C6orf62: variants seen among roughly 807,000 people sequenced by gnomAD.
C6orf62 encodes the protein chromosome 6 open reading frame 62, also known as uncharacterized protein C6orf62.
In C6orf62, 16 loss-of-function variants were observed where a neutral mutation model predicts 26.8. The ratio of observed to expected loss-of-function variants is 0.60; its 90% CI spans 0.40 to 0.91. The LOEUF is 0.91. Ranked by LOEUF, C6orf62 falls within the 40% of genes least tolerant of loss-of-function variation. The pLI, the probability that C6orf62 is intolerant of heterozygous loss-of-function variation, is 0.00. For missense variants in C6orf62, 192 were observed against 271.4 expected, an observed-to-expected ratio of 0.71 and a Z score of 2.06; for synonymous variants, 112 against 91.5, an observed-to-expected ratio of 1.22 and a Z score of -1.28.
intron 2 of C6orf62, 73 bp from the exon 3 acceptor site, chr6:24,714,513 G>T: frequency 8.7e-7 from 1 of 1,155,118 alleles, no homozygotes; most frequent in Non-Finnish European, 1.2e-6. Flanking sequence ...ACAAATTATA[G>T]GGTTCCCCTA....
intron 3 of C6orf62, 51 bp downstream of exon 3, chr6:24,714,267 T>C: frequency 6.8e-7 from 1 of 1,464,926 alleles, no homozygotes; most frequent in Non-Finnish European, 9.3e-7. Context: ...CCTATTATAT[T>C]CTAGTAGTTT....
intron 4 of C6orf62, among the ~76,000 whole-genome samples, chr6:24,708,294 C>A (rs1039766515): frequency 2.7e-5 from 4 of 148,784 alleles, no homozygotes; most frequent in Admixed American, 1.3e-4. Context: ...CTGTAACATG[C>A]AGCAAAATTT....
chr6:24,706,873 G>C (rs1055646387), intron 4 of C6orf62: 1 of 152,244 alleles, frequency 6.6e-6, no homozygotes, highest in African/African-American at 2.4e-5. Context: ...ATATGCCAGT[G>C]TACTCCAGCG....
chr6:24,707,362 GT>G (rs559217569), intron 4 of C6orf62, among the ~76,000 whole-genome samples: 345 of 141,224 alleles, frequency 2.4e-3, no homozygotes, highest in South Asian at 0.019. Flanking sequence ...TGTTGGCGGT[GT>G]TTTTTTTTTT....
chr6:24,709,075 CAA>C (rs535345257), intron 3 of C6orf62, 164 bp from the exon 4 acceptor site: 3 of 985,310 alleles, frequency 3.0e-6, no homozygotes, highest in Non-Finnish European at 3.6e-6. Flanking sequence ...ATATCACAGG[CAA>C]AATTTAGATT....
In C6orf62 at chr6:24,718,729, C is replaced by T; in HGVS notation, c.-61G>A. On this transcript the variant is annotated 5_prime_UTR_variant, in exon 1 of 5. Transcript: ENST00000378119. ...TGTCACTAAACTATGGGCACTTTTTCTTAAGACTCAAGTACAACAGAAACA... is the reference window on the plus strand; with the variant it reads ...TGTCACTAAACTATGGGCACTTTTTTTTAAGACTCAAGTACAACAGAAACA... 3.1e-6 allele frequency: 5 copies of T among 1,596,886 alleles called. No homozygotes were observed. The South Asian group carries it at 4.6e-5, about 15-fold the overall frequency.
rs751114877 is a variant in C6orf62, at chr6:24,704,896, C to A, written c.*1241G>T. On this transcript the variant is annotated 3_prime_UTR_variant, in exon 5 of 5. Transcript: ENST00000378119. ...CACCTGAATAGTCAGGGAACTTTCA[C>A]CTATTTTATTTAGGTTTTCTTTTTC... 1 of 152,198 alleles carries A rather than the reference C, an allele frequency of 6.6e-6. No homozygotes were observed. Among genetic ancestry groups the A allele is most frequent in the Non-Finnish European group, 1.5e-5 (1 of 67,988 alleles). The allele number at this position is 152,198 out of a possible 1,614,324, so 9.4% of individuals were successfully genotyped here.
chr6:24,709,008 C>G lies in C6orf62; in HGVS notation c.430-97G>C, dbSNP rs190548895. 2.6e-4 allele frequency: 394 copies of G among 1,535,992 alleles called. 2 individuals are homozygous for G. The African/African-American group carries it at 3.2e-3, about 13-fold the overall frequency. On this transcript the variant is annotated intron_variant, in intron 3 of 4. Transcript: ENST00000378119. ...CTGTGCTGTCCAATAAAGCAGCCAA[C>G]AGTCCGTTATCTTTTCCTCTTTAAA...
chr6:24,707,989 C>A (rs1412600311), intron 4 of C6orf62, among the ~76,000 whole-genome samples: 1 of 150,298 alleles, frequency 6.7e-6, no homozygotes, highest in South Asian at 2.2e-4. Context: ...CCAGCCTGGG[C>A]GACAGAGACT....
intron 3 of C6orf62, 176 bp from the exon 4 acceptor site, chr6:24,709,087 T>C: frequency 1.0e-6 from 1 of 985,158 alleles, no homozygotes. Context: ...AAATTTAGAT[T>C]AAAAGCAATT....
chr6:24,720,437 CAT>C, upstream of C6orf62: 1 of 1,107,632 alleles, frequency 9.0e-7, no homozygotes, highest in Non-Finnish European at 1.1e-6. Context: ...ACCTGGGACC[CAT>C]AGTCTGGCTC....
chr6:24,710,080 T>C (rs1779089825), intron 3 of C6orf62: 1 of 982,236 alleles, frequency 1.0e-6, no homozygotes, highest in Admixed American at 6.2e-5. Context: ...AATTCAAATA[T>C]TAAATTATTA....
At position 24,714,204 on chromosome 6, in the gene C6orf62, C is replaced by A. The variant is rs557460274; in HGVS notation, c.429+114G>T. 7.8e-6 allele frequency: 6 copies of A among 772,262 alleles called. No individual in the cohort carries two copies. The Admixed American group carries it at 1.8e-4, about 23-fold the overall frequency. 47.8% of individuals were successfully genotyped at this position (772,262 alleles called of 1,614,324 possible). A position where few individuals can be genotyped will look rare whatever the true frequency, so the allele number is the denominator to read the frequency against. ...CACAATATTCTAAATAGGGGAGACT[C>A]GTGAAATAAAACTATCAGAAACCAT... On this transcript the variant is annotated intron_variant, in intron 3 of 4. Transcript: ENST00000378119.
chr6:24,720,349 G>A (rs893514295), upstream of C6orf62: 2 of 1,242,048 alleles, frequency 1.6e-6, no homozygotes, highest in African/African-American at 1.6e-5. Context: ...AAAACCACCA[G>A]CCAACTGAGC....
Position 24,718,849 on chromosome 6 carries a change from T to C in C6orf62, c.-181A>G. 1.0e-5 allele frequency: 15 copies of C among 1,442,246 alleles called. No individual in the cohort carries two copies. The highest frequency in any genetic ancestry group is 1.4e-5 in the Non-Finnish European group (15 of 1,106,420). 89.3% of individuals were successfully genotyped at this position (1,442,246 alleles called of 1,614,324 possible). A position where few individuals can be genotyped will look rare whatever the true frequency, so the allele number is the denominator to read the frequency against. On this transcript the variant is annotated 5_prime_UTR_variant, in exon 1 of 5. Transcript: ENST00000378119. ...CTGTCAATATTAGCAGACTGTCATA[T>C]TACAGGGTCAAGAAACAAAAGCTGC...
chr6:24,708,661 T>C, intron 4 of C6orf62, 116 bp downstream of exon 4: 1 of 1,406,726 alleles, frequency 7.1e-7, no homozygotes, highest in Non-Finnish European at 9.8e-7. Flanking sequence ...TTAAATAACT[T>C]CAAAAATAAT....
intron 3 of C6orf62, chr6:24,709,341 C>T (rs1779075810): frequency 1.0e-6 from 1 of 985,276 alleles, no homozygotes; most frequent in African/African-American, 1.7e-5. Flanking sequence ...AAGACTCCCA[C>T]CATAGTACTT....
intron 3 of C6orf62, chr6:24,709,390 C>T (rs572182462): frequency 9.1e-6 from 9 of 984,178 alleles, no homozygotes; most frequent in Middle Eastern, 1.0e-3. Context: ...GATTAGGAGT[C>T]ACATTGTTAA....
Position 24,705,948 on chromosome 6 carries a change from A to T in C6orf62, c.*189T>A. On this transcript the variant is annotated 3_prime_UTR_variant, in exon 5 of 5. Transcript: ENST00000378119. ...TTCTTTCACACAGTCCGTGCACGAC[A>T]TCTAATTTTTGTTTAAGTTCTGAGA... 1 of 768,444 alleles carries T rather than the reference A, an allele frequency of 1.3e-6. No individual in the cohort carries two copies. Among genetic ancestry groups the T allele is most frequent in the Non-Finnish European group, 2.0e-6 (1 of 509,802 alleles). 47.6% of individuals were successfully genotyped at this position (768,444 alleles called of 1,614,324 possible).
Sources: gnomAD v4.1 joint callset for allele counts (sites outside exome capture counted in the v4.1 genomes callset) on GRCh38, gnomAD v4.1.1 for gene constraint, MANE v1.5 for transcripts, NCBI Gene and HGNC (gene_info 2026-07-23, HGNC 2026-07-21) for gene names.